Variants in TMEM123 observed in about 807,000 individuals in gnomAD.
TMEM123 encodes porimin.
In TMEM123, 16 loss-of-function variants were observed where a neutral mutation model predicts 19.7. The observed-to-expected ratio is 0.81, with a 90% CI of 0.55 to 1.23. TMEM123 has a LOEUF of 1.23. TMEM123 is among the 50% of genes most tolerant of loss of function. The pLI is 0.00. For synonymous variants in TMEM123, 118 were observed against 99.4 expected (o/e 1.19, Z -1.12); for missense variants, 313 against 257.8 (o/e 1.21, Z -1.47).
chr11:102,425,008 A>G (rs1054543526), intron 2 of TMEM123, among the ~76,000 whole-genome samples: 1 of 152,224 alleles, frequency 6.6e-6, no homozygotes, highest in Non-Finnish European at 1.5e-5. Flanking sequence ...TGTTGAAAAT[A>G]CAGAAGCAAG....
intron 2 of TMEM123, among the ~76,000 whole-genome samples, chr11:102,441,928 C>T (rs375180564): frequency 3.9e-4 from 60 of 152,142 alleles, no homozygotes; most frequent in African/African-American, 1.1e-3. Flanking sequence ...AACACCTCTA[C>T]GCAAATAAAC....
At chr11:102,437,475 ATTT>A (rs199572275) in intron 2 of TMEM123, among the ~76,000 whole-genome samples, 1 of 147,154 alleles carries the variant, frequency 6.8e-6, no homozygotes, top group African/African-American at 2.5e-5. Flanking sequence ...AAAAAAAAAA[ATTT>A]TTTTTACGTT....
At chr11:102,405,538 C>A (rs1000671850) in intron 2 of TMEM123, among the ~76,000 whole-genome samples, 8 of 152,228 alleles carry the variant, frequency 5.3e-5, no homozygotes, top group African/African-American at 1.7e-4. Flanking sequence ...AAAATAATCA[C>A]CTTTTATTTA....
chr11:102,408,440 GTA>G (rs1951974448), intron 2 of TMEM123, among the ~76,000 whole-genome samples: 1 of 152,180 alleles, frequency 6.6e-6, no homozygotes, highest in South Asian at 2.1e-4. Flanking sequence ...GGCATGGTGA[GTA>G]TAAGCTCAAG....
intron 2 of TMEM123, among the ~76,000 whole-genome samples, chr11:102,422,986 T>C (rs1197994435): frequency 1.3e-5 from 2 of 152,148 alleles, no homozygotes; most frequent in Non-Finnish European, 2.9e-5. Flanking sequence ...GAGCTACCTC[T>C]CAGGCCCTCA....
intron 2 of TMEM123, 58 bp from the exon 3 acceptor site, chr11:102,402,264 A>G (rs769834543): frequency 4.5e-6 from 7 of 1,544,188 alleles, no homozygotes; most frequent in Middle Eastern, 1.7e-4. Context: ...ATAAGATCCC[A>G]TTTCACTGAG....
At chr11:102,414,864 T>C (rs1308443971) in intron 2 of TMEM123, among the ~76,000 whole-genome samples, 2 of 152,152 alleles carry the variant, frequency 1.3e-5, no homozygotes, top group African/African-American at 4.8e-5. Flanking sequence ...ACCTTGAATG[T>C]AAACCAACTA....
intron 2 of TMEM123, among the ~76,000 whole-genome samples, chr11:102,431,714 T>C (rs962890695): frequency 5.9e-5 from 9 of 152,228 alleles, no homozygotes; most frequent in African/African-American, 1.4e-4. Flanking sequence ...AACAGTTAGG[T>C]TGATTCTACA....
At chr11:102,410,502 T>C (rs1198703366) in intron 2 of TMEM123, among the ~76,000 whole-genome samples, 5 of 142,042 alleles carry the variant, frequency 3.5e-5, no homozygotes, top group African/African-American at 1.3e-4. Flanking sequence ...CAATAACCCC[T>C]GTTAGTTACA....
chr11:102,452,504 C>T lies in TMEM123; in HGVS notation c.100+20G>A. ...CGCTGCCTCCCACGAACGGGGCTGA[C>T]GACCCCCGCAGCCACTTACCCGCCA... On this transcript the variant is annotated intron_variant, in intron 1 of 4. Coordinates refer to ENST00000398136, the MANE Select transcript of TMEM123 (RefSeq NM_052932.3). The T allele has an allele frequency of 3.3e-6, 5 of 1,497,406 alleles. No homozygotes were observed. The highest frequency in any genetic ancestry group is 2.5e-5 in the South Asian group (2 of 80,622). The allele number at this position is 1,497,406 out of a possible 1,614,324, so 92.8% of individuals were successfully genotyped here.
At chr11:102,417,377 G>T (rs1270482884) in intron 2 of TMEM123, among the ~76,000 whole-genome samples, 2 of 152,030 alleles carry the variant, frequency 1.3e-5, no homozygotes, top group African/African-American at 4.8e-5. Flanking sequence ...GCCAAATCAA[G>T]AATGCAATCC....
At chr11:102,433,215 ACACT>A (rs958148129) in intron 2 of TMEM123, among the ~76,000 whole-genome samples, 3 of 151,932 alleles carry the variant, frequency 2.0e-5, no homozygotes, top group African/African-American at 7.2e-5. Flanking sequence ...AAAGCCACAG[ACACT>A]CAACGCCAGC....
chr11:102,410,350 G>A (rs1404744258), intron 2 of TMEM123, among the ~76,000 whole-genome samples: 1 of 152,084 alleles, frequency 6.6e-6, no homozygotes, highest in East Asian at 1.9e-4. Context: ...AGCAGAGAGG[G>A]TGAGAAAAGC....
chr11:102,448,240 A>G lies in TMEM123; in HGVS notation c.157+572T>C, dbSNP rs866327691. The stretch of plus-strand genomic sequence containing the variant: ...AATTGTTTACAAGAAACGTACCTTG[A>G]TGATTTACTACTGATATTGATGACA... On this transcript the variant is annotated intron_variant, in intron 2 of 4. Transcript: ENST00000398136. 3.3e-5 allele frequency: 15 copies of G among 456,218 alleles called. No homozygotes were observed. In the Middle Eastern group the frequency reaches 3.6e-3, roughly 109 times the overall value. 28.3% of individuals were successfully genotyped at this position (456,218 alleles called of 1,614,324 possible). A position where few individuals can be genotyped will look rare whatever the true frequency, so the allele number is the denominator to read the frequency against.
chr11:102,396,619 G>T lies in TMEM123; in HGVS notation c.*2248C>A, dbSNP rs1951857993. ...TCTCAAGGAATGCAAGCAAAACTGA[G>T]CATTTTTTTTATGCTTAAGAAATAT... On this transcript the variant is annotated 3_prime_UTR_variant, in exon 5 of 5. Coordinates refer to ENST00000398136, the MANE Select transcript of TMEM123 (RefSeq NM_052932.3). 2 of 152,046 alleles carry T rather than the reference G, an allele frequency of 1.3e-5. No homozygotes were observed. 9.4% of individuals were successfully genotyped at this position (152,046 alleles called of 1,614,324 possible).
intron 2 of TMEM123, among the ~76,000 whole-genome samples, chr11:102,435,057 G>A (rs550176567): frequency 1.4e-4 from 21 of 151,864 alleles, no homozygotes; most frequent in South Asian, 1.2e-3. Context: ...TTTCTACAAC[G>A]GGCTGGGCAC....
rs565203670 is a variant in TMEM123, at chr11:102,435,981, T to TA, written c.157+12830dup. On this transcript the variant is annotated intron_variant, in intron 2 of 4. Transcript: ENST00000398136. ...TGGTTAAACATACCTGTGAATATAC[T>TA]AAAAATCACTGGACTGTACACTTGA... is the stretch of plus-strand genomic sequence containing the variant. Among the ~76,000 whole-genome samples the TA allele has an allele frequency of 6.6e-5, 10 of 151,882 alleles. No individual in the cohort carries two copies. The East Asian group carries it at 1.4e-3, about 21-fold the overall frequency.
At chr11:102,423,523 C>A (rs565981238) in intron 2 of TMEM123, among the ~76,000 whole-genome samples, 1 of 152,206 alleles carries the variant, frequency 6.6e-6, no homozygotes, top group South Asian at 2.1e-4. Flanking sequence ...GCAAGCCACA[C>A]TGGAAGAAAA....
intron 2 of TMEM123, among the ~76,000 whole-genome samples, chr11:102,423,149 G>A (rs558496530): frequency 3.9e-5 from 6 of 152,228 alleles, no homozygotes; most frequent in African/African-American, 1.2e-4. Context: ...GAAAAATTAC[G>A]GTATATCCCT....
Sources: gnomAD v4.1 joint callset for allele counts (sites outside exome capture counted in the v4.1 genomes callset) on GRCh38, gnomAD v4.1.1 for gene constraint, MANE v1.5 for transcripts, NCBI Gene and HGNC (gene_info 2026-07-23, HGNC 2026-07-21) for gene names.